The following FAM178B variants were observed in gnomAD, a reference collection of about 807,000 sequenced individuals.
The protein encoded by FAM178B is protein FAM178B.
FAM178B carries 82 observed loss-of-function variants against 91.7 expected under a neutral mutation model. The observed-to-expected ratio is 0.89, with a 90% CI of 0.75 to 1.07. FAM178B has a LOEUF of 1.07. Ranked by LOEUF, FAM178B falls within the 50% of genes least tolerant of loss-of-function variation. The probability of loss-of-function intolerance (pLI) is 0.00; values close to 1 mark genes in which losing one functional copy is unlikely to be tolerated. For synonymous variants in FAM178B, 368 were observed against 359.4 expected (o/e 1.02, Z -0.27); for missense variants, 769 against 846.7 (o/e 0.91, Z 1.14).
intron 1 of FAM178B, among the ~76,000 whole-genome samples, chr2:96,973,820 C>T (rs1233315045): frequency 1.3e-5 from 2 of 151,024 alleles, no homozygotes; most frequent in Non-Finnish European, 2.9e-5. Flanking sequence ...GCCAACATGA[C>T]AAAACCCCAT....
Position 96,888,601 on chromosome 2 carries a change from T to C in FAM178B, c.1776+5325A>G, listed in dbSNP as rs115818405. On this transcript the variant is annotated intron_variant, in intron 14 of 16. Coordinates refer to ENST00000490605, the MANE Select transcript of FAM178B (RefSeq NM_001122646.3). ...CCAGGCCTTTCTCCACAACCTCCCA[T>C]TAAGGCGGCCCTTGGCAGGGTCACC... 3.2e-3 allele frequency among the ~76,000 whole-genome samples: 492 copies of C among 152,274 alleles called. 4 individuals are homozygous for C. The highest frequency in any genetic ancestry group is 0.011 in the African/African-American group (467 of 41,546).
intron 1 of FAM178B, 81 bp downstream of exon 1, chr2:96,986,160 A>G (rs1166449842): frequency 6.5e-7 from 1 of 1,527,848 alleles, no homozygotes; most frequent in African/African-American, 1.4e-5. Flanking sequence ...GGCCTGGACC[A>G]GCCAGGAGTC....
At chr2:96,882,594 GGA>G (rs960194660) in intron 14 of FAM178B, among the ~76,000 whole-genome samples, 2 of 152,246 alleles carry the variant, frequency 1.3e-5, no homozygotes, top group Non-Finnish European at 2.9e-5. Flanking sequence ...CCACGAGGCA[GGA>G]GAGAGAGGCT....
intron 14 of FAM178B, among the ~76,000 whole-genome samples, chr2:96,892,333 C>T (rs929967650): frequency 2.0e-5 from 3 of 152,088 alleles, no homozygotes; most frequent in Admixed American, 2.0e-4. Flanking sequence ...AAGGTGGTCT[C>T]GGGCTGCAGT....
intron 13 of FAM178B, chr2:96,895,064 G>A (rs80341479): frequency 0.034 from 43,319 of 1,289,156 alleles, 876 homozygotes; most frequent in Middle Eastern, 0.074. Flanking sequence ...CCATCACCAT[G>A]AGCAAGACCA....
intron 5 of FAM178B, among the ~76,000 whole-genome samples, chr2:96,962,466 A>AG (rs1436624365): frequency 6.6e-6 from 1 of 150,494 alleles, no homozygotes; most frequent in African/African-American, 2.5e-5. Context: ...AGAAAGAAAA[A>AG]AAAGCCTATA....
chr2:96,960,790 C>T (rs534891208), intron 5 of FAM178B, among the ~76,000 whole-genome samples: 4 of 152,272 alleles, frequency 2.6e-5, no homozygotes, highest in Non-Finnish European at 5.9e-5. Context: ...AGGGCATAAA[C>T]AAATCACGGC....
chr2:96,972,150 C>T lies in FAM178B; in HGVS notation c.315G>A (p.Thr105=), dbSNP rs1329824834. The change falls in exon 3 of 17, where the codon ACG becomes ACA. Residue 105 remains threonine, a synonymous_variant. Transcript: ENST00000490605. The stretch of plus-strand genomic sequence containing the variant: ...GCGGGGGGCTCCAGTCAGTGGGAAA[C>T]GTTTCCCCAGGTGCCTGTATCTTGG... ...KKPKIQAPGE[T]FPTDWSPPPV... 2.0e-5 allele frequency: 31 copies of T among 1,540,944 alleles called. No individual in the cohort carries two copies. The highest frequency in any genetic ancestry group is 2.5e-5 in the Non-Finnish European group (29 of 1,142,206).
At chr2:96,949,595 C>T (rs961685850) in intron 7 of FAM178B, among the ~76,000 whole-genome samples, 1 of 152,150 alleles carries the variant, frequency 6.6e-6, no homozygotes, top group Non-Finnish European at 1.5e-5. Context: ...AAGGGAGCCC[C>T]CATGGGTTTC....
intron 8 of FAM178B, among the ~76,000 whole-genome samples, chr2:96,943,523 A>T (rs1336946337): frequency 6.6e-6 from 1 of 152,222 alleles, no homozygotes; most frequent in African/African-American, 2.4e-5. Context: ...AATGTTCTGG[A>T]AGTAGACAGT....
At chr2:96,933,013 G>C (rs1242200233) in intron 8 of FAM178B, among the ~76,000 whole-genome samples, 1 of 150,134 alleles carries the variant, frequency 6.7e-6, no homozygotes, top group Admixed American at 6.6e-5. Context: ...GGGAGGCTCA[G>C]GCGGGCAGAT....
chr2:96,878,600 G>T (rs1399412524), intron 14 of FAM178B, 107 bp from the exon 15 acceptor site: 2 of 1,006,366 alleles, frequency 2.0e-6, no homozygotes, highest in Non-Finnish European at 3.0e-6. Flanking sequence ...GGCCAGGCAG[G>T]GGCTCAGTCA....
intron 1 of FAM178B, among the ~76,000 whole-genome samples, chr2:96,980,160 C>T (rs1171351448): frequency 1.3e-5 from 2 of 149,680 alleles, no homozygotes; most frequent in African/African-American, 4.9e-5. Context: ...ACTGCAACCT[C>T]CGCCTCCCCG....
chr2:96,942,121 A>C (rs1221002115), intron 8 of FAM178B, among the ~76,000 whole-genome samples: 1 of 152,244 alleles, frequency 6.6e-6, no homozygotes. Context: ...GCACCAAAAG[A>C]ATAAAATACT....
intron 9 of FAM178B, 109 bp downstream of exon 9, chr2:96,929,097 G>T: frequency 1.3e-6 from 1 of 772,322 alleles, no homozygotes; most frequent in South Asian, 1.6e-5. Flanking sequence ...GGTGGAGGCC[G>T]CAGTGAGCTA....
intron 4 of FAM178B, among the ~76,000 whole-genome samples, chr2:96,969,054 C>T (rs1025981911): frequency 4.6e-5 from 7 of 152,158 alleles, no homozygotes; most frequent in Non-Finnish European, 7.4e-5. Flanking sequence ...TTTCCGACTC[C>T]GGGTTAAGTT....
chr2:96,956,494 A>T (rs538824721), intron 6 of FAM178B, among the ~76,000 whole-genome samples: 4 of 152,340 alleles, frequency 2.6e-5, no homozygotes, highest in African/African-American at 9.6e-5. Context: ...CAAACTGCTT[A>T]ATTTGTGCTA....
intron 8 of FAM178B, among the ~76,000 whole-genome samples, chr2:96,942,269 G>T (rs571000373): frequency 1.4e-4 from 22 of 152,278 alleles, no homozygotes; most frequent in Admixed American, 1.4e-3. Flanking sequence ...TATTAAGATA[G>T]CAATAGTACC....
At chr2:96,962,896 C>T (rs970888824) in intron 5 of FAM178B, among the ~76,000 whole-genome samples, 6 of 152,182 alleles carry the variant, frequency 3.9e-5, no homozygotes, top group Non-Finnish European at 1.5e-5. Context: ...ACCTGCACCC[C>T]CTTCCCTGGC....
Sources: allele counts gnomAD v4.1 joint callset (sites outside exome capture counted in the v4.1 genomes callset), GRCh38; gene constraint gnomAD v4.1.1; transcripts MANE v1.5; gene names NCBI Gene and HGNC (gene_info 2026-07-23, HGNC 2026-07-21).